Variants in OR2W1 observed in about 807,000 individuals in gnomAD.
The protein encoded by OR2W1 is olfactory receptor family 2 subfamily W member 1.
For missense variants in OR2W1, 367 were observed against 385.3 expected, an observed-to-expected ratio of 0.95 and a Z score of 0.40; for synonymous variants, 133 against 137.8, an observed-to-expected ratio of 0.97 and a Z score of 0.24.
In OR2W1 at chr6:29,044,446, G is replaced by T; in HGVS notation, c.730C>A (p.His244Asn). The T allele has an allele frequency of 6.2e-7, 1 of 1,613,026 alleles. No homozygotes were observed. ...QRKAMNTCGS[H>N]LTVVSMFYGT... Reference sequence around the variant, plus strand: ...TAGAACATAGACACTACAGTAAGATGAGATCCACAGGTATTCATTGCTTTT... The same window carrying T: ...TAGAACATAGACACTACAGTAAGATTAGATCCACAGGTATTCATTGCTTTT... The change falls in exon 1 of 1, where the codon CAT (histidine) becomes AAT (asparagine). Residue 244 changes from histidine (H) to asparagine (N), a missense_variant. Coordinates refer to ENST00000377175, the MANE Select transcript of OR2W1 (RefSeq NM_030903.3). The surrounding 1 kb of genome is among the most constrained non-coding windows in gnomAD (Gnocchi z 4.3).
In OR2W1 at chr6:29,044,247, T is replaced by C. The variant is rs1389716569; in HGVS notation, c.929A>G (p.Lys310Arg). Residue 310 changes from lysine (K) to arginine (R), a missense_variant, in exon 1 of 1, where the codon AAA (lysine) becomes AGA (arginine). Physicochemically the swap from Lys to Arg is conservative, Grantham distance 26. Transcript: ENST00000377175. The surrounding 1 kb of genome is among the most constrained non-coding windows in gnomAD (Gnocchi z 4.3). ...GCAATTCCTCTTTATTTTTGTAGAT[T>C]TGTGGTGAAATCTCATCAGTTTCTT... ...ALKKLMRFHH[K>R]STKIKRNCKS 6.3e-7 allele frequency: 1 copy of C among 1,582,986 alleles called. No individual in the cohort carries two copies. The highest frequency in any genetic ancestry group is 8.6e-7 in the Non-Finnish European group (1 of 1,166,456).
At position 29,044,601 on chromosome 6, in the gene OR2W1, G is replaced by T; in HGVS notation, c.575C>A (p.Thr192Asn). 6.2e-7 allele frequency: 1 copy of T among 1,613,008 alleles called. No homozygotes were observed. The highest frequency in any genetic ancestry group is 1.6e-4 in the Middle Eastern group (1 of 6,062). Residue 192 changes from threonine to asparagine, a missense_variant, in exon 1 of 1, where the codon ACC becomes AAC. Thr to Asn is a moderately conservative substitution (Grantham distance 65). Transcript: ENST00000377175. The surrounding 1 kb of genome is among the most constrained non-coding windows in gnomAD (Gnocchi z 4.3). ...GAAAACAGACATTTCAACTGTTGTG[G>T]TGTCTACACAAGCTATCTTGACCAG... ...PALVKIACVD[T>N]TTVEMSVFAL...
chr6:29,044,911 C>T lies in OR2W1; in HGVS notation c.265G>A (p.Asp89Asn). 6.2e-7 allele frequency: 1 copy of T among 1,612,906 alleles called. No individual in the cohort carries two copies. The highest frequency in any genetic ancestry group is 1.1e-5 in the South Asian group (1 of 91,070). Residue 89 changes from aspartate to asparagine, a missense_variant, in exon 1 of 1, where the codon GAT (aspartate) becomes AAT (asparagine). Transcript: ENST00000377175. This position sits in a 1 kb window ranked among gnomAD's most constrained non-coding sequence, Gnocchi z 4.3. ...PQMLVNLWGP[D>N]KTISYVGCII... is the part of the protein sequence containing the mutation. ...CAACCCACATAGCTGATGGTCTTATCAGGTCCCCACAAGTTGACCAGCATC... is the reference window on the plus strand; with the variant it reads ...CAACCCACATAGCTGATGGTCTTATTAGGTCCCCACAAGTTGACCAGCATC...
chr6:29,044,339 G>A lies in OR2W1; in HGVS notation c.837C>T (p.Thr279=), dbSNP rs7341218. The A allele has an allele frequency of 0.18, 294,931 of 1,611,622 alleles. 30,280 individuals carry two copies. The highest frequency in any genetic ancestry group is 0.41 in the East Asian group (18,237 of 44,856). The change falls in exon 1 of 1, where the codon ACC becomes ACT. Residue 279 remains threonine, a synonymous_variant. Coordinates refer to ENST00000377175, the MANE Select transcript of OR2W1 (RefSeq NM_030903.3). The surrounding 1 kb of genome is among the most constrained non-coding windows in gnomAD (Gnocchi z 4.3). ...GCGGGTTGAGACTTGGAGTGATGAC[G>A]GTGTAAAAGAGGGTGAGGAACTTGC... ...DQGKFLTLFY[T]VITPSLNPLI... is the part of the protein sequence containing the mutation.
rs750505027 is a variant in OR2W1, at chr6:29,044,869, C to T, written c.307G>A (p.Val103Ile). Residue 103 changes from valine (V) to isoleucine (I), a missense_variant, in exon 1 of 1, where the codon GTT becomes ATT. Transcript: ENST00000377175. The surrounding 1 kb of genome is among the most constrained non-coding windows in gnomAD (Gnocchi z 4.3). ...SYVGCIIQLYVYMWLGSVECL... is the reference protein window; with the variant it reads ...SYVGCIIQLYIYMWLGSVECL... ...TCAACTGAGCCCAACCACATGTAAACATAGAGTTGGATGATACAACCCACA... is the reference window on the plus strand; with the variant it reads ...TCAACTGAGCCCAACCACATGTAAATATAGAGTTGGATGATACAACCCACA... The T allele has an allele frequency of 1.2e-6, 2 of 1,612,924 alleles. No homozygotes were observed. Among genetic ancestry groups the T allele is most frequent in the Non-Finnish European group, 1.7e-6 (2 of 1,179,974 alleles).
chr6:29,044,843 C>T lies in OR2W1; in HGVS notation c.333G>A (p.Glu111=). 1 of 1,612,982 alleles carries T rather than the reference C, an allele frequency of 6.2e-7. No individual in the cohort carries two copies. Among genetic ancestry groups the T allele is most frequent in the Non-Finnish European group, 8.5e-7 (1 of 1,179,992 alleles). The change falls in exon 1 of 1, where the codon GAG becomes GAA. Residue 111 remains glutamate, a synonymous_variant. Transcript: ENST00000377175. This position sits in a 1 kb window ranked among gnomAD's most constrained non-coding sequence, Gnocchi z 4.3. The stretch of plus-strand genomic sequence containing the variant: ...AGGACATAACAGCCAGGAGAAGGCA[C>T]TCAACTGAGCCCAACCACATGTAAA... ...LYVYMWLGSV[E]CLLLAVMSYD...
rs1165448499 is a variant in OR2W1 at position 29,044,818 on chromosome 6, A to T, written c.358T>A (p.Tyr120Asn). 2 of 1,613,036 alleles carry T rather than the reference A, an allele frequency of 1.2e-6. No individual in the cohort carries two copies. The highest frequency in any genetic ancestry group is 1.7e-6 in the Non-Finnish European group (2 of 1,180,000). ...VECLLLAVMS[Y>N]DRFTAICKPL... ...TTACATATAGCTGTAAAACGATCATAGGACATAACAGCCAGGAGAAGGCAC... is the reference window on the plus strand; with the variant it reads ...TTACATATAGCTGTAAAACGATCATTGGACATAACAGCCAGGAGAAGGCAC... The change falls in exon 1 of 1, where the codon TAT (tyrosine) becomes AAT (asparagine). Residue 120 changes from tyrosine (Y) to asparagine (N), a missense_variant. Transcript: ENST00000377175. This position sits in a 1 kb window ranked among gnomAD's most constrained non-coding sequence, Gnocchi z 4.3.
At position 29,044,666 on chromosome 6, in the gene OR2W1, T is replaced by G. The variant is rs1365128862; in HGVS notation, c.510A>C (p.Gly170=). 6.2e-7 allele frequency: 1 copy of G among 1,613,038 alleles called. No individual in the cohort carries two copies. Residue 170 remains glycine, a synonymous_variant, in exon 1 of 1, where the codon GGA becomes GGC. Coordinates refer to ENST00000377175, the MANE Select transcript of OR2W1 (RefSeq NM_030903.3). The surrounding 1 kb of genome is among the most constrained non-coding windows in gnomAD (Gnocchi z 4.3). ...CTLTLNLPTC[G]NNILDHFLCE... ...ACAAGAAATGATCCAGAATGTTGTT[T>G]CCACATGTGGGCAAATTCAGAGTGA...
chr6:29,044,595 G>A lies in OR2W1; in HGVS notation c.581C>T (p.Thr194Ile). 1 of 1,613,028 alleles carries A rather than the reference G, an allele frequency of 6.2e-7. No individual in the cohort carries two copies. The highest frequency in any genetic ancestry group is 8.5e-7 in the Non-Finnish European group (1 of 1,180,000). ...LVKIACVDTT[T>I]VEMSVFALGI... ...TAAAGCGAAAACAGACATTTCAACT[G>A]TTGTGGTGTCTACACAAGCTATCTT... The change falls in exon 1 of 1, where the codon ACA becomes ATA. Residue 194 changes from threonine (T) to isoleucine (I), a missense_variant. Physicochemically the swap from Thr to Ile is moderately conservative, Grantham distance 89 (BLOSUM62 -1). Coordinates refer to ENST00000377175, the MANE Select transcript of OR2W1 (RefSeq NM_030903.3). The surrounding 1 kb of genome is among the most constrained non-coding windows in gnomAD (Gnocchi z 4.3).
rs189250244 is a variant in OR2W1 at position 29,045,090 on chromosome 6, C to G, written c.86G>C (p.Gly29Ala). Residue 29 changes from glycine to alanine, a missense_variant, in exon 1 of 1, where the codon GGA becomes GCA. Physicochemically the swap from Gly to Ala is moderately conservative, Grantham distance 60. Coordinates refer to ENST00000377175, the MANE Select transcript of OR2W1 (RefSeq NM_030903.3). ...NHPKMEMILS[G>A]VVAIFYLITL... Reference sequence around the variant, plus strand: ...AATTAAGTAGAAGATGGCGACAACTCCTGACAGGATCATCTCCATTTTTGG... The same window carrying G: ...AATTAAGTAGAAGATGGCGACAACTGCTGACAGGATCATCTCCATTTTTGG... 4.3e-6 allele frequency: 7 copies of G among 1,612,912 alleles called. No homozygotes were observed. In the East Asian group the frequency reaches 1.3e-4, roughly 31 times the overall value.
At position 29,044,281 on chromosome 6, in the gene OR2W1, C is replaced by A. The variant is rs556670893; in HGVS notation, c.895G>T (p.Asp299Tyr). 4 of 1,607,510 alleles carry A rather than the reference C, an allele frequency of 2.5e-6. No individual in the cohort carries two copies. In the African/African-American group the frequency reaches 5.3e-5, roughly 21 times the overall value. Residue 299 changes from aspartate (D) to tyrosine (Y), a missense_variant, in exon 1 of 1, where the codon GAT becomes TAT. Transcript: ENST00000377175. This position sits in a 1 kb window ranked among gnomAD's most constrained non-coding sequence, Gnocchi z 4.3. ...IYTLRNKDMKDALKKLMRFHH... is the reference protein window; with the variant it reads ...IYTLRNKDMKYALKKLMRFHH... Reference sequence around the variant, plus strand: ...AATCTCATCAGTTTCTTCAGGGCATCCTTCATGTCCTTATTTCTTAAGGTG... The same window carrying A: ...AATCTCATCAGTTTCTTCAGGGCATACTTCATGTCCTTATTTCTTAAGGTG...
rs762903829 is a variant in OR2W1 at position 29,044,369 on chromosome 6, G to A, written c.807C>T (p.Asp269=). Residue 269 remains aspartate, a synonymous_variant, in exon 1 of 1, where the codon GAC becomes GAT. Transcript: ENST00000377175. This position sits in a 1 kb window ranked among gnomAD's most constrained non-coding sequence, Gnocchi z 4.3. ...AAAAGAGGGTGAGGAACTTGCCCTG[G>A]TCTTTGGAAGCCCTGTTACCTGGTT... ...YLQPGNRASK[D]QGKFLTLFYT... is the part of the protein sequence containing the mutation. The A allele has an allele frequency of 1.2e-6, 2 of 1,612,792 alleles. No homozygotes were observed. Among genetic ancestry groups the A allele is most frequent in the Non-Finnish European group, 1.7e-6 (2 of 1,179,894 alleles).
At position 29,044,601 on chromosome 6, in the gene OR2W1, G is replaced by A. The variant is rs922264436; in HGVS notation, c.575C>T (p.Thr192Ile). The A allele has an allele frequency of 6.2e-7, 1 of 1,613,008 alleles. No individual in the cohort carries two copies. The highest frequency in any genetic ancestry group is 1.3e-5 in the African/African-American group (1 of 75,046). ...PALVKIACVD[T>I]TTVEMSVFAL... is the part of the protein sequence containing the mutation. ...GAAAACAGACATTTCAACTGTTGTG[G>A]TGTCTACACAAGCTATCTTGACCAG... The change falls in exon 1 of 1, where the codon ACC (threonine) becomes ATC (isoleucine). Residue 192 changes from threonine (T) to isoleucine (I), a missense_variant. Coordinates refer to ENST00000377175, the MANE Select transcript of OR2W1 (RefSeq NM_030903.3). The surrounding 1 kb of genome is among the most constrained non-coding windows in gnomAD (Gnocchi z 4.3).
chr6:29,044,708 A>C lies in OR2W1; in HGVS notation c.468T>G (p.Ser156=). The change falls in exon 1 of 1, where the codon TCT becomes TCG. Residue 156 remains serine (S), a synonymous_variant. Transcript: ENST00000377175. This position sits in a 1 kb window ranked among gnomAD's most constrained non-coding sequence, Gnocchi z 4.3. ...IMIWSISLAN[S]VVLCTLTLNL... is the part of the protein sequence containing the mutation. ...TCAGAGTGAGTGTACATAATACTACAGAATTGGCCAAACTAATACTCCAGA... is the reference window on the plus strand; with the variant it reads ...TCAGAGTGAGTGTACATAATACTACCGAATTGGCCAAACTAATACTCCAGA... 6.2e-7 allele frequency: 1 copy of C among 1,613,020 alleles called. No individual in the cohort carries two copies. The highest frequency in any genetic ancestry group is 8.5e-7 in the Non-Finnish European group (1 of 1,180,002).
In OR2W1 at chr6:29,044,820, G is replaced by A; in HGVS notation, c.356C>T (p.Ser119Phe). The stretch of plus-strand genomic sequence containing the variant: ...ACATATAGCTGTAAAACGATCATAG[G>A]ACATAACAGCCAGGAGAAGGCACTC... Reference protein sequence around the residue: ...SVECLLLAVMSYDRFTAICKP... With the variant: ...SVECLLLAVMFYDRFTAICKP... Residue 119 changes from serine (S) to phenylalanine (F), a missense_variant, in exon 1 of 1, where the codon TCC (serine) becomes TTC (phenylalanine). By Grantham distance (155) the Ser-to-Phe change is radical. Transcript: ENST00000377175. This position sits in a 1 kb window ranked among gnomAD's most constrained non-coding sequence, Gnocchi z 4.3. The A allele has an allele frequency of 6.2e-7, 1 of 1,612,930 alleles. No homozygotes were observed. The highest frequency in any genetic ancestry group is 2.2e-5 in the East Asian group (1 of 44,864).
Position 29,045,001 on chromosome 6 carries a change from T to G in OR2W1, c.175A>C (p.Met59Leu). The change falls in exon 1 of 1, where the codon ATG becomes CTG. Residue 59 changes from methionine to leucine, a missense_variant. Physicochemically the swap from Met to Leu is conservative, Grantham distance 15. Coordinates refer to ENST00000377175, the MANE Select transcript of OR2W1 (RefSeq NM_030903.3). ...SLLDSQLHTP[M>L]YFFLRNLSFL... ...GATAAATTTCTGAGGAAAAAGTACA[T>G]TGGTGTATGAAGCTGGGAATCCAGG... is the stretch of plus-strand genomic sequence containing the variant. The G allele has an allele frequency of 6.2e-7, 1 of 1,612,810 alleles. No individual in the cohort carries two copies.
rs1784008312 is a variant in OR2W1, at chr6:29,044,348, G to C, written c.828C>G (p.Leu276=). The C allele has an allele frequency of 6.2e-7, 1 of 1,612,836 alleles. No homozygotes were observed. Among genetic ancestry groups the C allele is most frequent in the Admixed American group, 1.7e-5 (1 of 59,986 alleles). The change falls in exon 1 of 1, where the codon CTC becomes CTG. Residue 276 remains leucine (L), a synonymous_variant. Coordinates refer to ENST00000377175, the MANE Select transcript of OR2W1 (RefSeq NM_030903.3). This position sits in a 1 kb window ranked among gnomAD's most constrained non-coding sequence, Gnocchi z 4.3. ...ASKDQGKFLT[L]FYTVITPSLN... is the part of the protein sequence containing the mutation. ...GACTTGGAGTGATGACGGTGTAAAA[G>C]AGGGTGAGGAACTTGCCCTGGTCTT...
Position 29,044,958 on chromosome 6 carries a change from A to G in OR2W1, c.218T>C (p.Phe73Ser). The change falls in exon 1 of 1, where the codon TTC (phenylalanine) becomes TCC (serine). Residue 73 changes from phenylalanine (F) to serine (S), a missense_variant. Physicochemically the swap from Phe to Ser is radical, Grantham distance 155 (BLOSUM62 -2). Coordinates refer to ENST00000377175, the MANE Select transcript of OR2W1 (RefSeq NM_030903.3). This position sits in a 1 kb window ranked among gnomAD's most constrained non-coding sequence, Gnocchi z 4.3. The stretch of plus-strand genomic sequence containing the variant: ...CATCTGAGGGATGATGCTGGTTGTG[A>G]AACATAGATCTAGGAAAGATAAATT... ...LRNLSFLDLC[F>S]TTSIIPQMLV... The G allele has an allele frequency of 6.2e-7, 1 of 1,612,954 alleles. No homozygotes were observed. The highest frequency in any genetic ancestry group is 2.2e-5 in the East Asian group (1 of 44,886).
Position 29,044,321 on chromosome 6 carries a change from G to C in OR2W1, c.855C>G (p.Leu285=). ...TLFYTVITPS[L]NPLIYTLRNK... is the part of the protein sequence containing the mutation. ...TTCTTAAGGTGTAAATGAGCGGGTT[G>C]AGACTTGGAGTGATGACGGTGTAAA... Residue 285 remains leucine, a synonymous_variant, in exon 1 of 1, where the codon CTC becomes CTG. Transcript: ENST00000377175. This position sits in a 1 kb window ranked among gnomAD's most constrained non-coding sequence, Gnocchi z 4.3. 6.2e-7 allele frequency: 1 copy of C among 1,612,828 alleles called. No homozygotes were observed. The highest frequency in any genetic ancestry group is 8.5e-7 in the Non-Finnish European group (1 of 1,179,912).
Sources: allele counts gnomAD v4.1 joint callset, GRCh38; gene constraint gnomAD v4.1.1; non-coding constraint Gnocchi (gnomAD v3.1); transcripts MANE v1.5; gene names NCBI Gene and HGNC (gene_info 2026-07-23, HGNC 2026-07-21).